Variants in ADAMTSL2 observed in about 807,000 individuals in gnomAD.
ADAMTSL2 encodes the protein ADAMTS-like protein 2.
In ADAMTSL2, 55 loss-of-function variants were observed where a neutral mutation model predicts 117.0. The observed-to-expected ratio is 0.47, with a 90% CI of 0.38 to 0.59. The LOEUF (loss-of-function observed/expected upper bound fraction) is 0.59, where lower values mean the gene tolerates loss of function less well. Among genes scored for constraint, ADAMTSL2 ranks in the 20% least tolerant of loss-of-function variants. ADAMTSL2 has a pLI of 0.00. For synonymous variants in ADAMTSL2, 572 were observed against 566.4 expected, an observed-to-expected ratio of 1.01 and a Z score of -0.14; for missense variants, 1,182 against 1,354.5, an observed-to-expected ratio of 0.87 and a Z score of 2.00.
In ADAMTSL2 at chr9:133,554,301, G is replaced by A. The variant is rs1223396647; in HGVS notation, c.940-56G>A. On this transcript the variant is annotated intron_variant, in intron 9 of 18. Transcript: ENST00000651351. The surrounding 1 kb of genome is among the most constrained non-coding windows in gnomAD (Gnocchi z 5.2). ...GCAGCTCTGTGGGAAGGGGATTGGT[G>A]GGGAAGGGGCTGGACAGAGTAAGGA... 12 of 1,449,562 alleles carry A rather than the reference G, an allele frequency of 8.3e-6. No homozygotes were observed. Among genetic ancestry groups the A allele is most frequent in the Non-Finnish European group, 1.1e-5 (12 of 1,076,310 alleles). The allele number at this position is 1,449,562 out of a possible 1,614,324, so 89.8% of individuals were successfully genotyped here.
chr9:133,561,165 C>G, intron 11 of ADAMTSL2, 33 bp from the exon 12 acceptor site: 14 of 1,568,094 alleles, frequency 8.9e-6, no homozygotes, highest in Non-Finnish European at 1.2e-5. Flanking sequence ...CCTGGAGCGT[C>G]TCATCACCTT....
intron 11 of ADAMTSL2, among the ~76,000 whole-genome samples, chr9:133,560,605 C>T (rs936776477): frequency 2.6e-5 from 4 of 152,248 alleles, no homozygotes; most frequent in Non-Finnish European, 5.9e-5. Flanking sequence ...CGTGCCTCCC[C>T]CGACCCCAGC....
intron 12 of ADAMTSL2, among the ~76,000 whole-genome samples, chr9:133,562,565 GCGGGCACCC>G (rs1830758199): frequency 9.8e-6 from 1 of 102,406 alleles, no homozygotes; most frequent in African/African-American, 4.1e-5. Context: ...GGGCGGCGTG[GCGGGCACCC>G]TGCTGGGCCC....
Position 133,540,682 on chromosome 9 carries a change from G to T in ADAMTSL2, c.497G>T (p.Arg166Leu). 6.2e-7 allele frequency: 1 copy of T among 1,613,782 alleles called. No homozygotes were observed. The highest frequency in any genetic ancestry group is 8.5e-7 in the Non-Finnish European group (1 of 1,180,036). ...CAGCGGCAGCTCATGGTCCCCGCCC[G>T]CGACGGCACATCCTGCAAGCTCACT... ...DGQRQLMVPA[R>L]DGTSCKLTDL... The change falls in exon 6 of 19, where the codon CGC becomes CTC. Residue 166 changes from arginine to leucine, a missense_variant. Arg to Leu is a moderately radical substitution (Grantham distance 102). Coordinates refer to ENST00000651351, the MANE Select transcript of ADAMTSL2 (RefSeq NM_014694.4).
At chr9:133,563,818 GGAGA>G (rs1359493983) in intron 12 of ADAMTSL2, among the ~76,000 whole-genome samples, 3,430 of 32,692 alleles carry the variant, frequency 0.1, 83 homozygotes, top group Non-Finnish European at 0.14. Context: ...AGAGAAAGGG[GGAGA>G]GAGAGAGAGA....
intron 4 of ADAMTSL2, 152 bp downstream of exon 4, chr9:133,538,576 CG>C (rs1012510626): frequency 2.3e-6 from 2 of 855,508 alleles, no homozygotes; most frequent in South Asian, 1.5e-5. Context: ...GAGAAGGCTG[CG>C]GGGGGCCCTG....
chr9:133,564,593 AGGG>A (rs1830903799), intron 12 of ADAMTSL2, among the ~76,000 whole-genome samples: 3 of 76,188 alleles, frequency 3.9e-5, no homozygotes, highest in Non-Finnish European at 7.9e-5. Flanking sequence ...GGAGAGAGAG[AGGG>A]GGAGAGAGAG....
intron 12 of ADAMTSL2, among the ~76,000 whole-genome samples, chr9:133,561,770 C>T (rs987067194): frequency 4.6e-5 from 7 of 152,162 alleles, no homozygotes; most frequent in Non-Finnish European, 8.8e-5. Context: ...AGACCCTCCT[C>T]GGTGGTGCCT....
Position 133,549,159 on chromosome 9 carries a change from G to A in ADAMTSL2, c.939+1946G>A. 5.5e-5 allele frequency among the ~76,000 whole-genome samples: 2 copies of A among 36,310 alleles called. 1 individual carries two copies. Among genetic ancestry groups the A allele is most frequent in the Admixed American group, 3.5e-4 (2 of 5,672 alleles). 23.8% of individuals were successfully genotyped at this position (36,310 alleles called of 152,430 possible). A position where few individuals can be genotyped will look rare whatever the true frequency, so the allele number is the denominator to read the frequency against. ...TGGGACTACAGGCGTCCGCCACTAC[G>A]CCCGGCTAATTTTTTTTTGTATTTT... On this transcript the variant is annotated intron_variant, in intron 9 of 18. Transcript: ENST00000651351.
intron 9 of ADAMTSL2, among the ~76,000 whole-genome samples, chr9:133,549,380 C>T (rs1043810753): frequency 1.4e-4 from 22 of 152,108 alleles, no homozygotes; most frequent in Admixed American, 3.9e-4. Flanking sequence ...AGGTGGCTAC[C>T]TGGTGAGGTG....
chr9:133,555,960 G>C (rs1830596614), intron 11 of ADAMTSL2, 30 bp downstream of exon 11: 1 of 1,604,150 alleles, frequency 6.2e-7, no homozygotes, highest in Middle Eastern at 2.1e-4. Context: ...GCCCTGTCCA[G>C]GGCCCTCAGG....
In ADAMTSL2 at chr9:133,544,506, G is replaced by A. The variant is rs751927625; in HGVS notation, c.719G>A (p.Arg240Gln). The change falls in exon 8 of 19, where the codon CGA becomes CAA. Residue 240 changes from arginine (R) to glutamine (Q), a missense_variant. Around this residue, in one of 3 missense-constraint regions of ADAMTSL2, gnomAD observed 372 missense variants for 463.4 expected, o/e 0.80. Coordinates refer to ENST00000651351, the MANE Select transcript of ADAMTSL2 (RefSeq NM_014694.4). ...SLVTHIPAGA[R>Q]DIQIVERKKS... is the part of the protein sequence containing the mutation. ...GTGACCCACATCCCGGCTGGTGCCC[G>A]AGACATCCAGATTGTAGAGAGGAAG... is the stretch of plus-strand genomic sequence containing the variant. 6.2e-6 allele frequency: 10 copies of A among 1,614,154 alleles called. No individual in the cohort carries two copies. The highest frequency in any genetic ancestry group is 2.2e-5 in the East Asian group (1 of 44,888).
intron 12 of ADAMTSL2, 47 bp from the exon 13 acceptor site, chr9:133,566,889 C>T (rs1182739713): frequency 1.1e-5 from 17 of 1,583,014 alleles, no homozygotes; most frequent in Non-Finnish European, 1.5e-5. Context: ...CTGCTGGGCT[C>T]CAAGGTGCCG....
chr9:133,540,482 C>T (rs1357190057), intron 5 of ADAMTSL2, 116 bp from the exon 6 acceptor site: 12 of 1,393,616 alleles, frequency 8.6e-6, no homozygotes, highest in African/African-American at 1.4e-5. Context: ...GTTCTCCAGG[C>T]CTGAGTTGCC....
At chr9:133,547,304 GC>G in intron 9 of ADAMTSL2, 91 bp downstream of exon 9, 1 of 1,326,118 alleles carries the variant, frequency 7.5e-7, no homozygotes, top group Non-Finnish European at 1.0e-6. Context: ...AGCCCGTGAC[GC>G]CCCCAGGGCC....
chr9:133,543,255 A>G (rs370268199), intron 7 of ADAMTSL2, among the ~76,000 whole-genome samples: 1 of 152,194 alleles, frequency 6.6e-6, no homozygotes, highest in African/African-American at 2.4e-5. Context: ...AACACCATAT[A>G]CGGGTGTGCT....
chr9:133,555,475 C>G, intron 10 of ADAMTSL2, 83 bp from the exon 11 acceptor site: 3 of 1,573,350 alleles, frequency 1.9e-6, no homozygotes, highest in Non-Finnish European at 1.7e-6. Context: ...TTCTGGCCCC[C>G]TCGTCCAGGT....
Position 133,555,888 on chromosome 9 carries a change from C to G in ADAMTSL2, c.1607C>G (p.Thr536Ser). 3.1e-6 allele frequency: 5 copies of G among 1,613,082 alleles called. No individual in the cohort carries two copies. The South Asian group carries it at 5.5e-5, about 18-fold the overall frequency. Reference sequence around the variant, plus strand: ...GAGGCCCCATTCCCCAACGTTAGCACCAGCCTGCTCACCTCGGCCGGGAAC... The same window carrying G: ...GAGGCCCCATTCCCCAACGTTAGCAGCAGCCTGCTCACCTCGGCCGGGAAC... ...SSEAPFPNVS[T>S]SLLTSAGNRT... Residue 536 changes from threonine (T) to serine (S), a missense_variant, in exon 11 of 19, where the codon ACC becomes AGC. Physicochemically the swap from Thr to Ser is moderately conservative, Grantham distance 58. Coordinates refer to ENST00000651351, the MANE Select transcript of ADAMTSL2 (RefSeq NM_014694.4).
chr9:133,543,737 C>T (rs1830280415), intron 7 of ADAMTSL2, among the ~76,000 whole-genome samples: 1 of 152,276 alleles, frequency 6.6e-6, no homozygotes, highest in South Asian at 2.1e-4. Flanking sequence ...AGAGCCCCTT[C>T]TTTCCTGTCC....
Sources: gnomAD v4.1 joint callset for allele counts (sites outside exome capture counted in the v4.1 genomes callset) on GRCh38, gnomAD v4.1.1 for gene constraint, gnomAD v4.1.1 regional missense constraint, Gnocchi (gnomAD v3.1) non-coding constraint, MANE v1.5 for transcripts, NCBI Gene and HGNC (gene_info 2026-07-23, HGNC 2026-07-21) for gene names.